Variants in DPF3 observed in about 807,000 individuals in gnomAD.
DPF3 encodes the protein double PHD fingers 3, also known as zinc finger protein DPF3.
Under a neutral mutation model 56.8 loss-of-function variants are expected in DPF3, and 18 were observed. The observed-to-expected ratio is 0.32, with a 90% confidence interval of 0.22 to 0.47. The LOEUF (loss-of-function observed/expected upper bound fraction) is 0.47. Ranked by LOEUF, DPF3 falls within the 20% of genes least tolerant of loss-of-function variation. The pLI is 1.00. For synonymous variants in DPF3, 188 were observed against 180.2 expected (o/e 1.04, Z -0.35); for missense variants, 403 against 488.8 (o/e 0.82, Z 1.65).
chr14:72,855,742 A>G (rs896586899), intron 1 of DPF3, among the ~76,000 whole-genome samples: 4 of 152,208 alleles, frequency 2.6e-5, no homozygotes, highest in African/African-American at 9.7e-5. Context: ...CTGGGGCAGT[A>G]TGTAACCCAC....
chr14:72,821,725 G>T (rs1883552804), intron 1 of DPF3, among the ~76,000 whole-genome samples: 1 of 152,158 alleles, frequency 6.6e-6, no homozygotes, highest in Non-Finnish European at 1.5e-5. Context: ...GTGAAATTAG[G>T]CCGAGTGTAC....
intron 1 of DPF3, chr14:72,853,142 G>A (rs754040595): frequency 2.0e-5 from 3 of 151,868 alleles, no homozygotes; most frequent in Non-Finnish European, 4.4e-5. Context: ...AGAATGGACA[G>A]ACAGAGAGAA....
In DPF3 at chr14:72,727,352, C is replaced by T. The variant is rs547455624; in HGVS notation, c.430-3624G>A. Among the ~76,000 whole-genome samples, 535 of 152,250 alleles carry T rather than the reference C, an allele frequency of 3.5e-3. 4 individuals are homozygous for T. Among genetic ancestry groups the T allele is most frequent in the African/African-American group, 0.012 (493 of 41,544 alleles). On this transcript the variant is annotated intron_variant, in intron 4 of 10. Transcript: ENST00000556509. Reference sequence around the variant, plus strand: ...CAGCACTTTGGGAGGCCGAGGCAGGCGGATCACGAGGTTAGGAGTTCGAGA... The same window carrying T: ...CAGCACTTTGGGAGGCCGAGGCAGGTGGATCACGAGGTTAGGAGTTCGAGA...
rs957875870 is a variant in DPF3, at chr14:72,611,759, C to T, written c.*7538G>A. 6.6e-6 allele frequency among the ~76,000 whole-genome samples: 1 copy of T among 152,184 alleles called. No individual in the cohort carries two copies. The highest frequency in any genetic ancestry group is 2.4e-5 in the African/African-American group (1 of 41,444). On this transcript the variant is annotated 3_prime_UTR_variant, in exon 11 of 11. Coordinates refer to ENST00000556509, the MANE Select transcript of DPF3 (RefSeq NM_001280542.3). ...CAGTGCTTGGAAAAGCAGATTAAAG[C>T]AACTAGGCTGAGGTCATCTGTTTTC...
intron 1 of DPF3, among the ~76,000 whole-genome samples, chr14:72,788,484 G>A (rs959651774): frequency 6.6e-6 from 1 of 152,192 alleles, no homozygotes; most frequent in African/African-American, 2.4e-5. Context: ...GCCAGCACAT[G>A]CCCCACAGCC....
chr14:72,624,684 T>C (rs748829739), intron 9 of DPF3, among the ~76,000 whole-genome samples: 1 of 152,218 alleles, frequency 6.6e-6, no homozygotes, highest in Non-Finnish European at 1.5e-5. Flanking sequence ...AGATCCCTCA[T>C]TGCATTTAAT....
intron 1 of DPF3, among the ~76,000 whole-genome samples, chr14:72,878,159 C>CAAG (rs1886188875): frequency 6.6e-6 from 1 of 152,138 alleles, no homozygotes; most frequent in South Asian, 2.1e-4. Flanking sequence ...AGTCCGTGTC[C>CAAG]ACCTTGGGAC....
chr14:72,782,829 T>C (rs1892038968), intron 1 of DPF3, among the ~76,000 whole-genome samples: 1 of 140,138 alleles, frequency 7.1e-6, no homozygotes, highest in Admixed American at 7.4e-5. Flanking sequence ...CGAGACTCCA[T>C]CTCAAAGAAA....
chr14:72,653,310 T>C (rs944650060), intron 8 of DPF3, among the ~76,000 whole-genome samples: 4 of 152,138 alleles, frequency 2.6e-5, no homozygotes, highest in Non-Finnish European at 4.4e-5. Flanking sequence ...GGCCTACCAC[T>C]CCGGGCCTCC....
At chr14:72,647,675 TC>T (rs1254036554) in intron 8 of DPF3, among the ~76,000 whole-genome samples, 1 of 152,234 alleles carries the variant, frequency 6.6e-6, no homozygotes, top group Non-Finnish European at 1.5e-5. Flanking sequence ...GCTTTGAGTA[TC>T]TTTGCAACCT....
intron 9 of DPF3, among the ~76,000 whole-genome samples, chr14:72,625,400 G>T (rs530219829): frequency 6.6e-6 from 1 of 152,082 alleles, no homozygotes; most frequent in South Asian, 2.1e-4. Context: ...GTTGCTTCCT[G>T]TGTCCTCTAG....
Position 72,615,168 on chromosome 14 carries a change from C to T in DPF3, c.*4129G>A, listed in dbSNP as rs373983283. 1.3e-4 allele frequency among the ~76,000 whole-genome samples: 20 copies of T among 152,262 alleles called. No homozygotes were observed. Among genetic ancestry groups the T allele is most frequent in the African/African-American group, 3.8e-4 (16 of 41,586 alleles). ...GGCTGCTTCTGTCCCAGCACTTCCA[C>T]GACAGGCTAAAAACCAGCCTGGGGG... On this transcript the variant is annotated 3_prime_UTR_variant, in exon 11 of 11. Transcript: ENST00000556509.
chr14:72,772,730 T>C (rs1891585615), intron 1 of DPF3, among the ~76,000 whole-genome samples: 3 of 152,228 alleles, frequency 2.0e-5, no homozygotes, highest in Admixed American at 2.0e-4. Context: ...AAATGGAGCA[T>C]TGATATAATT....
At chr14:72,871,324 G>A (rs991147409) in intron 1 of DPF3, among the ~76,000 whole-genome samples, 2 of 152,112 alleles carry the variant, frequency 1.3e-5, no homozygotes, top group Non-Finnish European at 2.9e-5. Flanking sequence ...GTCCCCCAAA[G>A]TCTTAATTCA....
intron 1 of DPF3, among the ~76,000 whole-genome samples, chr14:72,779,983 C>A (rs1891906160): frequency 6.6e-6 from 1 of 152,258 alleles, no homozygotes; most frequent in Non-Finnish European, 1.5e-5. Flanking sequence ...CTGCCCTAAG[C>A]ACAGAGACCA....
In DPF3 at chr14:72,874,313, T is replaced by G. The variant is rs1391958344; in HGVS notation, c.32+19744A>C. Among the ~76,000 whole-genome samples the G allele has an allele frequency of 2.0e-5, 3 of 151,312 alleles. No homozygotes were observed. The East Asian group carries it at 5.8e-4, about 29-fold the overall frequency. ...CCAACATAGTGAAACCCCGTCTCTA[T>G]TAAAAATACAAAAAAATTAGCCAGG... On this transcript the variant is annotated intron_variant, in intron 1 of 10. Transcript: ENST00000556509.
intron 3 of DPF3, among the ~76,000 whole-genome samples, chr14:72,735,580 G>T (rs1199133447): frequency 1.3e-5 from 2 of 152,218 alleles, no homozygotes; most frequent in African/African-American, 4.8e-5. Flanking sequence ...CCCTTAAACA[G>T]GAAAGTGAAG....
At chr14:72,723,822 TA>T in intron 4 of DPF3, 94 bp from the exon 5 acceptor site, 1 of 1,284,686 alleles carries the variant, frequency 7.8e-7, no homozygotes, top group Non-Finnish European at 1.1e-6. Flanking sequence ...GATTTGTTGT[TA>T]TTTTTTAACA....
At chr14:72,731,475 T>A (rs1461265630) in intron 4 of DPF3, 2 of 239,412 alleles carry the variant, frequency 8.4e-6, no homozygotes, top group African/African-American at 4.5e-5. Flanking sequence ...GGACTCTTGG[T>A]TCCATGGGGA....
Sources: gnomAD v4.1 joint callset for allele counts (sites outside exome capture counted in the v4.1 genomes callset) on GRCh38, gnomAD v4.1.1 for gene constraint, MANE v1.5 for transcripts, NCBI Gene and HGNC (gene_info 2026-07-23, HGNC 2026-07-21) for gene names.